WNT5A: variants seen among roughly 807,000 people sequenced by gnomAD.
WNT5A encodes the protein protein Wnt-5a.
A neutral mutation model predicts 42.1 loss-of-function variants in WNT5A; 9 were observed. That is an observed-to-expected ratio of 0.21 (90% CI 0.13 to 0.37). WNT5A has a LOEUF of 0.37. WNT5A is among the 10% of genes least tolerant of loss of function. WNT5A has a pLI of 1.00. For missense variants in WNT5A, 426 were observed against 534.0 expected, an observed-to-expected ratio of 0.80 and a Z score of 1.99; for synonymous variants, 210 against 210.0, an observed-to-expected ratio of 1.00 and a Z score of 0.00.
chr3:55,474,302 A>G (rs1362843443), intron 4 of WNT5A, 35 bp downstream of exon 4: 5 of 1,611,272 alleles, frequency 3.1e-6, no homozygotes, highest in Non-Finnish European at 4.2e-6. Context: ...GTGAGAAGAC[A>G]GAGATGCGGG....
rs755605894 is a variant in WNT5A, at chr3:55,474,427, G to A, written c.594C>T (p.Asp198=). The A allele has an allele frequency of 3.1e-6, 5 of 1,610,910 alleles. No homozygotes were observed. Among genetic ancestry groups the A allele is most frequent in the Admixed American group, 3.3e-5 (2 of 59,864 alleles). The change falls in exon 4 of 5, where the codon GAC becomes GAT. Residue 198 remains aspartate (D), a synonymous_variant. Coordinates refer to ENST00000264634, the MANE Select transcript of WNT5A (RefSeq NM_003392.7). ...CGTGGATGCGCTCCCGCTCGCGGGC[G>A]TCCACGAACTCCTTGGCAAAGCGGT... The part of the protein sequence containing the change: ...YGYRFAKEFV[D]ARERERIHAK...
intron 4 of WNT5A, among the ~76,000 whole-genome samples, chr3:55,471,185 C>T (rs1253178782): frequency 6.6e-6 from 1 of 152,220 alleles, no homozygotes; most frequent in Non-Finnish European, 1.5e-5. Flanking sequence ...TGTCCTTACA[C>T]TCATGATCTC....
At chr3:55,473,395 G>A (rs2051288227) in intron 4 of WNT5A, among the ~76,000 whole-genome samples, 1 of 152,172 alleles carries the variant, frequency 6.6e-6, no homozygotes, top group Non-Finnish European at 1.5e-5. Context: ...TTTCAATGCT[G>A]CCAAAGTTAA....
chr3:55,495,769 A>C, the WNT5A span, among the ~76,000 whole-genome samples: 4 of 152,204 alleles, frequency 2.6e-5, no homozygotes, highest in Non-Finnish European at 5.9e-5. Flanking sequence ...AGGAACCTCC[A>C]TGCTGTTTTT....
the WNT5A span, among the ~76,000 whole-genome samples, chr3:55,499,553 A>C: frequency 6.6e-6 from 1 of 152,172 alleles, no homozygotes. Flanking sequence ...TTCTGATACT[A>C]TTTCATTTGG....
rs1388473304 is a variant in WNT5A at position 55,468,670 on chromosome 3, T to A, written c.*1422A>T. On this transcript the variant is annotated 3_prime_UTR_variant, in exon 5 of 5. Coordinates refer to ENST00000264634, the MANE Select transcript of WNT5A (RefSeq NM_003392.7). Reference sequence around the variant, plus strand: ...TATATGTATATATATATATATGTTATGTACAAAAGACTTTGAGATATCAGG... The same window carrying A: ...TATATGTATATATATATATATGTTAAGTACAAAAGACTTTGAGATATCAGG... 6.6e-6 allele frequency: 1 copy of A among 151,010 alleles called. No individual in the cohort carries two copies. Among genetic ancestry groups the A allele is most frequent in the Non-Finnish European group, 1.5e-5 (1 of 67,750 alleles). 9.4% of individuals were successfully genotyped at this position (151,010 alleles called of 1,614,324 possible).
At chr3:55,479,274 A>C in intron 3 of WNT5A, 40 bp downstream of exon 3, 2 of 1,447,704 alleles carry the variant, frequency 1.4e-6, no homozygotes, top group Non-Finnish European at 1.8e-6. Flanking sequence ...CTAGGAAAAA[A>C]AGTTAATGTT....
At chr3:55,496,983 G>A in the WNT5A span, among the ~76,000 whole-genome samples, 1 of 152,130 alleles carries the variant, frequency 6.6e-6, no homozygotes, top group East Asian at 1.9e-4. Context: ...GATATTTACG[G>A]GTCACCTACT....
At chr3:55,488,491 A>T (rs1282470445), upstream of WNT5A, among the ~76,000 whole-genome samples, 1 of 142,288 alleles carries the variant, frequency 7.0e-6, no homozygotes, top group African/African-American at 2.7e-5. Flanking sequence ...GGAAAGAGAG[A>T]GGGAAGGGGG....
intron 1 of WNT5A, chr3:55,481,516 G>T (rs1015666165): frequency 1.2e-5 from 6 of 502,720 alleles, no homozygotes; most frequent in African/African-American, 1.1e-4. Flanking sequence ...GGACCAGCGC[G>T]CGAGAGTGCC....
upstream of WNT5A, among the ~76,000 whole-genome samples, chr3:55,491,328 A>T (rs999868365): frequency 7.6e-4 from 115 of 152,204 alleles, 3 homozygotes; most frequent in Non-Finnish European, 5.9e-5. Context: ...CATGTTCGAC[A>T]GACCTCCAGT....
chr3:55,502,318 C>T, the WNT5A span, among the ~76,000 whole-genome samples: 1 of 152,252 alleles, frequency 6.6e-6, no homozygotes, highest in African/African-American at 2.4e-5. Flanking sequence ...CCCATGCCTA[C>T]TGCAGGAATG....
upstream of WNT5A, among the ~76,000 whole-genome samples, chr3:55,494,367 G>A (rs1302004360): frequency 6.6e-6 from 1 of 152,114 alleles, no homozygotes; most frequent in African/African-American, 2.4e-5. Flanking sequence ...TTCTCCGGAA[G>A]GGAAATCTAG....
rs2051593287 is a variant in WNT5A at position 55,487,093 on chromosome 3, C to T, written c.-108G>A. The T allele has an allele frequency of 6.4e-6, 6 of 942,972 alleles. No individual in the cohort carries two copies. In the Middle Eastern group the frequency reaches 9.2e-4, roughly 145 times the overall value. 58.4% of individuals were successfully genotyped at this position (942,972 alleles called of 1,614,324 possible). On this transcript the variant is annotated 5_prime_UTR_variant, in exon 1 of 5. Coordinates refer to ENST00000264634, the MANE Select transcript of WNT5A (RefSeq NM_003392.7). Reference sequence around the variant, plus strand: ...CCTGGGGGGACGGTCAGGAGCAGGGCTGCGGAGTCCTCCGGCGCGCGTCCG... The same window carrying T: ...CCTGGGGGGACGGTCAGGAGCAGGGTTGCGGAGTCCTCCGGCGCGCGTCCG...
rs772241023 is a variant in WNT5A, at chr3:55,469,308, CT to C, written c.*783del. On this transcript the variant is annotated 3_prime_UTR_variant, in exon 5 of 5. Transcript: ENST00000264634. ...CTAGTGTCCAGAATCATTTGGGGAT[CT>C]TTTTACAATCTGGAATCCTAATTCT... The C allele has an allele frequency of 2.0e-5, 3 of 152,144 alleles. No homozygotes were observed. Among genetic ancestry groups the C allele is most frequent in the Non-Finnish European group, 4.4e-5 (3 of 68,022 alleles). The allele number at this position is 152,144 out of a possible 1,614,324, so 9.4% of individuals were successfully genotyped here.
At chr3:55,497,628 C>T in the WNT5A span, among the ~76,000 whole-genome samples, 112 of 152,332 alleles carry the variant, frequency 7.4e-4, no homozygotes, top group South Asian at 0.023. Context: ...ATCATTGAGC[C>T]TGACTGGAAT....
chr3:55,472,964 C>A (rs548715846), intron 4 of WNT5A, among the ~76,000 whole-genome samples: 84 of 152,058 alleles, frequency 5.5e-4, no homozygotes, highest in Non-Finnish European at 9.9e-4. Flanking sequence ...TGAGGCCTCA[C>A]AATAACCTCA....
the WNT5A span, chr3:55,505,242 A>G: frequency 6.6e-6 from 1 of 152,262 alleles, no homozygotes; most frequent in African/African-American, 2.4e-5. Context: ...TTTCTTCACA[A>G]GGTGGCAGCA....
At chr3:55,484,851 T>A (rs2051545913) in intron 1 of WNT5A, among the ~76,000 whole-genome samples, 1 of 152,088 alleles carries the variant, frequency 6.6e-6, no homozygotes, top group African/African-American at 2.4e-5. Context: ...CAACCCCCAC[T>A]CTTTAAAGGT....
Sources: allele counts gnomAD v4.1 joint callset (sites outside exome capture counted in the v4.1 genomes callset), GRCh38; gene constraint gnomAD v4.1.1; transcripts MANE v1.5; gene names NCBI Gene and HGNC (gene_info 2026-07-23, HGNC 2026-07-21).